BCAS4: variants seen among roughly 807,000 people sequenced by gnomAD.
The protein encoded by BCAS4 is breast carcinoma amplified sequence 4.
In BCAS4, 9 loss-of-function variants were observed where a neutral mutation model predicts 15.7. That is an observed-to-expected ratio of 0.57 (90% CI 0.34 to 1.00). The LOEUF is 1.00. Ranked by LOEUF, BCAS4 falls within the 50% of genes least tolerant of loss-of-function variation. The pLI is 0.02. For missense variants in BCAS4, 225 were observed against 239.1 expected (o/e 0.94, Z 0.39); for synonymous variants, 101 against 99.5 (o/e 1.02, Z -0.09).
intron 4 of BCAS4, among the ~76,000 whole-genome samples, chr20:50,850,466 T>C (rs963341565): frequency 6.6e-6 from 1 of 152,222 alleles, no homozygotes; most frequent in African/African-American, 2.4e-5. Flanking sequence ...CTCGAGATCT[T>C]TGGGCTAGTT....
intron 4 of BCAS4, among the ~76,000 whole-genome samples, chr20:50,853,337 G>T (rs1207646708): frequency 6.6e-6 from 1 of 151,672 alleles, no homozygotes. Flanking sequence ...TAGAGACAGG[G>T]TTTCGCCATG....
Position 50,876,981 on chromosome 20 carries a change from G to A in BCAS4, c.*373G>A, listed in dbSNP as rs11641. 0.034 allele frequency: 5,639 copies of A among 164,340 alleles called. 142 individuals carry two copies. The highest frequency in any genetic ancestry group is 0.077 in the Middle Eastern group (25 of 326). 10.2% of individuals were successfully genotyped at this position (164,340 alleles called of 1,614,324 possible). A position where few individuals can be genotyped will look rare whatever the true frequency, so the allele number is the denominator to read the frequency against. On this transcript the variant is annotated 3_prime_UTR_variant, in exon 5 of 5. Coordinates refer to ENST00000371608, the MANE Select transcript of BCAS4 (RefSeq NM_198799.4). Reference sequence around the variant, plus strand: ...AGGGGTTGAGGGACCAGGCCTGGCCGGGGCTGATGGACAGTGGGGACTTTC... The same window carrying A: ...AGGGGTTGAGGGACCAGGCCTGGCCAGGGCTGATGGACAGTGGGGACTTTC...
chr20:50,830,276 C>T lies in BCAS4; in HGVS notation c.163-3C>T, dbSNP rs188902261. ...GCCTGATGAGCTGTTTTGTTCCTTGCAGATCAGGAGTGATACTTCACAGAT... is the reference window on the plus strand; with the variant it reads ...GCCTGATGAGCTGTTTTGTTCCTTGTAGATCAGGAGTGATACTTCACAGAT... On this transcript the variant is annotated splice_region_variant and splice_polypyrimidine_tract_variant and intron_variant, in intron 2 of 4. Coordinates refer to ENST00000371608, the MANE Select transcript of BCAS4 (RefSeq NM_198799.4). The T allele has an allele frequency of 9.2e-4, 1,478 of 1,612,300 alleles. 16 individuals are homozygous for T. Among genetic ancestry groups the T allele is most frequent in the Admixed American group, 2.9e-3 (174 of 59,956 alleles).
At chr20:50,804,069 G>A (rs1250845539) in intron 1 of BCAS4, among the ~76,000 whole-genome samples, 2 of 151,998 alleles carry the variant, frequency 1.3e-5, no homozygotes, top group Non-Finnish European at 2.9e-5. Context: ...ATGGAGTTTC[G>A]CTCTTGTTGT....
chr20:50,841,618 AG>A lies in BCAS4; in HGVS notation c.265-146del, dbSNP rs1441366253. ...TCTGCAGGTGCCCCTCCAGCTAAGC[AG>A]GCCCTGCTGCCTTGCAGGGAGCCCC... On this transcript the variant is annotated intron_variant, in intron 3 of 4. Coordinates refer to ENST00000371608, the MANE Select transcript of BCAS4 (RefSeq NM_198799.4). 30 of 1,027,644 alleles carry A rather than the reference AG, an allele frequency of 2.9e-5. No individual in the cohort carries two copies. The Middle Eastern group carries it at 1.0e-3, about 34-fold the overall frequency. The allele number at this position is 1,027,644 out of a possible 1,614,324, so 63.7% of individuals were successfully genotyped here.
intron 4 of BCAS4, among the ~76,000 whole-genome samples, chr20:50,875,166 G>A (rs1377148561): frequency 6.6e-6 from 1 of 152,220 alleles, no homozygotes. Flanking sequence ...CCTGGCGTGG[G>A]CCCCGGGCAT....
chr20:50,838,012 AC>A (rs2088431254), intron 3 of BCAS4, among the ~76,000 whole-genome samples: 1 of 151,020 alleles, frequency 6.6e-6, no homozygotes, highest in Non-Finnish European at 1.5e-5. Context: ...ACACACACAC[AC>A]ACACACACAT....
At chr20:50,876,346 C>A (rs1213850754) in intron 4 of BCAS4, 140 bp from the exon 5 acceptor site, 2 of 1,187,802 alleles carry the variant, frequency 1.7e-6, no homozygotes, top group African/African-American at 1.6e-5. Context: ...TTGGCTGTCA[C>A]AGGCAGTGCT....
intron 3 of BCAS4, among the ~76,000 whole-genome samples, chr20:50,838,853 A>AAAAC (rs749012765): frequency 6.6e-6 from 1 of 152,056 alleles, no homozygotes; most frequent in South Asian, 2.1e-4. Flanking sequence ...TAAAAAAAAC[A>AAAAC]AAACAAACAA....
chr20:50,796,472 T>TGG (rs2087860446), intron 1 of BCAS4, among the ~76,000 whole-genome samples: 1 of 12,928 alleles, frequency 7.7e-5, no homozygotes, highest in African/African-American at 3.1e-4. Flanking sequence ...TATATATATA[T>TGG]ATATATATAT....
intron 4 of BCAS4, among the ~76,000 whole-genome samples, chr20:50,863,656 T>A (rs1276606143): frequency 6.6e-6 from 1 of 152,142 alleles, no homozygotes; most frequent in Non-Finnish European, 1.5e-5. Context: ...AGCATCAAAG[T>A]GAGAAATGTA....
chr20:50,861,509 C>A (rs1979067434), intron 4 of BCAS4, among the ~76,000 whole-genome samples: 1 of 152,194 alleles, frequency 6.6e-6, no homozygotes, highest in Admixed American at 6.5e-5. Context: ...GCACGGACGG[C>A]CTGTCTTCTG....
At position 50,810,585 on chromosome 20, in the gene BCAS4, T is replaced by G. The variant is rs143187558; in HGVS notation, c.91-7626T>G. On this transcript the variant is annotated intron_variant, in intron 1 of 4. Coordinates refer to ENST00000371608, the MANE Select transcript of BCAS4 (RefSeq NM_198799.4). ...TGAGAAAAATAGTATGTTATTTTTT[T>G]TGTGTTTTTTTTTTTTTTTTGAGAC... 3.4e-3 allele frequency among the ~76,000 whole-genome samples: 485 copies of G among 142,464 alleles called. 4 individuals carry two copies. The highest frequency in any genetic ancestry group is 8.2e-3 in the African/African-American group (296 of 35,970). The allele number at this position is 142,464 out of a possible 152,430, so 93.5% of individuals were successfully genotyped here.
intron 1 of BCAS4, among the ~76,000 whole-genome samples, chr20:50,807,416 ACTC>A (rs2088005135): frequency 1.3e-5 from 2 of 149,592 alleles, no homozygotes; most frequent in South Asian, 4.2e-4. Context: ...CTGGTCTTGA[ACTC>A]CTGACCTCAA....
At chr20:50,794,929 T>G (rs1298582697), upstream of BCAS4, 1 of 1,110,740 alleles carries the variant, frequency 9.0e-7, no homozygotes. Context: ...CCGGCGCTCC[T>G]GGAGCTGCGA....
At chr20:50,878,171 CTCTTT>C (rs1400073749), downstream of BCAS4, 5 of 152,196 alleles carry the variant, frequency 3.3e-5, no homozygotes, top group African/African-American at 1.2e-4. Context: ...CATTTTTATT[CTCTTT>C]TCTTTTTTTT....
rs1600887673 is a variant in BCAS4 at position 50,851,528 on chromosome 20, C to T, written c.399+9628C>T. 6.6e-6 allele frequency among the ~76,000 whole-genome samples: 1 copy of T among 152,114 alleles called. No individual in the cohort carries two copies. Among genetic ancestry groups the T allele is most frequent in the African/African-American group, 2.4e-5 (1 of 41,412 alleles). On this transcript the variant is annotated intron_variant, in intron 4 of 4. Coordinates refer to ENST00000371608, the MANE Select transcript of BCAS4 (RefSeq NM_198799.4). This position sits in a 1 kb window ranked among gnomAD's most constrained non-coding sequence, Gnocchi z 4.3. ...GGATGAGAGGGGAGAAAGTTCCTTC[C>T]GACAACAAGAAGTTTTCATTTTTGG...
intron 4 of BCAS4, among the ~76,000 whole-genome samples, chr20:50,858,190 AAT>A (rs1311878918): frequency 6.6e-6 from 1 of 152,172 alleles, no homozygotes; most frequent in East Asian, 1.9e-4. Context: ...AGTTATCAAA[AAT>A]CCATGGGTGC....
intron 4 of BCAS4, among the ~76,000 whole-genome samples, chr20:50,873,213 T>C (rs1979744143): frequency 6.6e-6 from 1 of 152,204 alleles, no homozygotes; most frequent in South Asian, 2.1e-4. Flanking sequence ...TATTGATTTT[T>C]CCTCCATTTT....
Sources: allele counts gnomAD v4.1 joint callset (sites outside exome capture counted in the v4.1 genomes callset), GRCh38; gene constraint gnomAD v4.1.1; non-coding constraint Gnocchi (gnomAD v3.1); transcripts MANE v1.5; gene names NCBI Gene and HGNC (gene_info 2026-07-23, HGNC 2026-07-21).